NCAM1: variants seen among roughly 807,000 people sequenced by gnomAD.
NCAM1 encodes the protein neural cell adhesion molecule 1.
In NCAM1, 14 loss-of-function variants were observed where a neutral mutation model predicts 109.8. That is an observed-to-expected ratio of 0.13 (90% confidence interval 0.08 to 0.20). The LOEUF (loss-of-function observed/expected upper bound fraction) is 0.20. Ranked by LOEUF, NCAM1 falls within the 10% of genes least tolerant of loss-of-function variation. NCAM1 has a pLI of 1.00. For synonymous variants in NCAM1, 418 were observed against 442.9 expected (o/e 0.94, Z 0.70); for missense variants, 774 against 1,109.9 (o/e 0.70, Z 4.30).
chr11:113,132,506 C>T (rs782522174), intron 1 of NCAM1, among the ~76,000 whole-genome samples: 2 of 152,004 alleles, frequency 1.3e-5, no homozygotes, highest in African/African-American at 4.8e-5. Context: ...GTATCTTCTC[C>T]CCAGTATAGC....
chr11:113,093,548 T>C (rs938631824), intron 1 of NCAM1, among the ~76,000 whole-genome samples: 1 of 152,192 alleles, frequency 6.6e-6, no homozygotes, highest in African/African-American at 2.4e-5. Context: ...TATGGTCTTA[T>C]GAAGCACAGC....
At chr11:113,089,027 T>C (rs1939219407) in intron 1 of NCAM1, among the ~76,000 whole-genome samples, 1 of 152,170 alleles carries the variant, frequency 6.6e-6, no homozygotes, top group African/African-American at 2.4e-5. Context: ...TCAAAAATTA[T>C]AAGGCAGCCG....
intron 1 of NCAM1, among the ~76,000 whole-genome samples, chr11:113,038,596 G>T (rs1228156582): frequency 6.6e-6 from 1 of 152,188 alleles, no homozygotes; most frequent in Non-Finnish European, 1.5e-5. Context: ...CTTGGGGCTG[G>T]TACCAATTTG....
At chr11:113,034,785 G>A (rs566715252) in intron 1 of NCAM1, among the ~76,000 whole-genome samples, 9 of 152,300 alleles carry the variant, frequency 5.9e-5, no homozygotes, top group East Asian at 3.9e-4. Flanking sequence ...ATGGGGAGGC[G>A]TCAGTGTGAC....
chr11:113,064,231 C>T (rs1166297686), intron 1 of NCAM1, among the ~76,000 whole-genome samples: 4 of 152,166 alleles, frequency 2.6e-5, no homozygotes, highest in South Asian at 2.1e-4. Flanking sequence ...CTCACTGTGA[C>T]GAGTGTTTTT....
At chr11:113,079,670 G>A (rs1266190715) in intron 1 of NCAM1, among the ~76,000 whole-genome samples, 1 of 152,088 alleles carries the variant, frequency 6.6e-6, no homozygotes, top group Non-Finnish European at 1.5e-5. Context: ...ATCCATTATA[G>A]TTTTTAAAAA....
intron 1 of NCAM1, among the ~76,000 whole-genome samples, chr11:112,994,898 T>G (rs1316422071): frequency 3.9e-5 from 6 of 152,152 alleles, no homozygotes; most frequent in Non-Finnish European, 8.8e-5. Flanking sequence ...GTATGTTATC[T>G]TTATCCTTTT....
At chr11:113,063,634 G>A (rs973836841) in intron 1 of NCAM1, among the ~76,000 whole-genome samples, 2 of 152,128 alleles carry the variant, frequency 1.3e-5, no homozygotes. Context: ...ACTTGGATGG[G>A]GTTCAGACAT....
chr11:113,200,821 C>T (rs529914949), intron 1 of NCAM1, among the ~76,000 whole-genome samples: 1 of 152,294 alleles, frequency 6.6e-6, no homozygotes, highest in East Asian at 1.9e-4. Flanking sequence ...CGACCACATT[C>T]AGGAGAGGCA....
Position 113,244,733 on chromosome 11 carries a change from C to T in NCAM1, c.1826-1635C>T, listed in dbSNP as rs1255530088. On this transcript the variant is annotated intron_variant, in intron 14 of 19. Transcript: ENST00000316851. ...GGAATAAAGGTATTCTAAATAAAAC[C>T]AAAGGAGCAATTGCTTAGTTGTATA... Among the ~76,000 whole-genome samples the T allele has an allele frequency of 4.0e-5, 6 of 151,684 alleles. No homozygotes were observed. In the East Asian group the frequency reaches 1.2e-3, roughly 29 times the overall value.
At chr11:113,011,995 CCTTCCTTCCTTCCTTCCTTT>C (rs1952073474) in intron 1 of NCAM1, among the ~76,000 whole-genome samples, 1 of 147,266 alleles carries the variant, frequency 6.8e-6, no homozygotes, top group African/African-American at 2.6e-5. Flanking sequence ...TTCCTTCCTT[CCTTCCTTCCTTCCTTCCTTT>C]CTTTCCTCTT....
intron 14 of NCAM1, among the ~76,000 whole-genome samples, chr11:113,242,062 C>T (rs1348373656): frequency 6.6e-6 from 1 of 152,200 alleles, no homozygotes; most frequent in Non-Finnish European, 1.5e-5. Flanking sequence ...CCTGAAGCTC[C>T]ATAACCTAGG....
At position 113,193,171 on chromosome 11, in the gene NCAM1, C is replaced by T. The variant is rs189683424; in HGVS notation, c.53-9208C>T. Among the ~76,000 whole-genome samples the T allele has an allele frequency of 1.1e-3, 170 of 152,298 alleles. 1 individual carries two copies. The highest frequency in any genetic ancestry group is 3.9e-3 in the African/African-American group (160 of 41,558). On this transcript the variant is annotated intron_variant, in intron 1 of 19. Coordinates refer to ENST00000316851, the MANE Select transcript of NCAM1 (RefSeq NM_181351.5). ...AGCAATAACATCTGGAAAGCATTCT[C>T]GTCTTCTATGAGACTCTGTTAAAAC...
At chr11:112,995,236 A>T (rs1555071238) in intron 1 of NCAM1, among the ~76,000 whole-genome samples, 1 of 152,178 alleles carries the variant, frequency 6.6e-6, no homozygotes, top group Non-Finnish European at 1.5e-5. Flanking sequence ...TATGAAAAAT[A>T]ATGAGATTTA....
chr11:113,059,384 G>A (rs183418315), intron 1 of NCAM1, among the ~76,000 whole-genome samples: 2 of 152,278 alleles, frequency 1.3e-5, no homozygotes, highest in East Asian at 3.9e-4. Flanking sequence ...TGTGAATCAG[G>A]AGTTCAGGAA....
At chr11:113,070,743 T>A (rs1555085165) in intron 1 of NCAM1, among the ~76,000 whole-genome samples, 1 of 152,156 alleles carries the variant, frequency 6.6e-6, no homozygotes, top group East Asian at 1.9e-4. Flanking sequence ...GATTCCTCAG[T>A]GGCCTCTATA....
intron 13 of NCAM1, among the ~76,000 whole-genome samples, 188 bp from the exon 14 acceptor site, chr11:113,234,845 A>G (rs1435713812): frequency 1.3e-5 from 2 of 152,252 alleles, no homozygotes; most frequent in African/African-American, 4.8e-5. Context: ...TGCTGTGAAC[A>G]TGGACAGCCA....
Position 113,046,118 on chromosome 11 carries a change from T to A in NCAM1, c.52+84454T>A, listed in dbSNP as rs142699898. On this transcript the variant is annotated intron_variant, in intron 1 of 19. Coordinates refer to ENST00000316851, the MANE Select transcript of NCAM1 (RefSeq NM_181351.5). ...TGCCCATTAGCCTACACTAATTTGA[T>A]TGCTGTGAAAAAAACAGATTAAAAT... 5.8e-4 allele frequency among the ~76,000 whole-genome samples: 89 copies of A among 152,312 alleles called. 1 individual carries two copies. Among genetic ancestry groups the A allele is most frequent in the African/African-American group, 2.1e-3 (86 of 41,576 alleles).
intron 11 of NCAM1, 53 bp downstream of exon 11, chr11:113,232,407 G>C (rs1945039599): frequency 6.6e-7 from 1 of 1,520,766 alleles, no homozygotes; most frequent in South Asian, 1.3e-5. Context: ...TTGACTCTAG[G>C]TGGGCTCCAA....
Sources: allele counts gnomAD v4.1 joint callset (sites outside exome capture counted in the v4.1 genomes callset), GRCh38; gene constraint gnomAD v4.1.1; transcripts MANE v1.5; gene names NCBI Gene and HGNC (gene_info 2026-07-23, HGNC 2026-07-21).